The following TSC22D1 variants were observed in gnomAD, a reference collection of about 807,000 sequenced individuals.
TSC22D1 encodes TSC22 domain family member 1.
In TSC22D1, 9 loss-of-function variants were observed where a neutral mutation model predicts 74.2. That is an observed-to-expected ratio of 0.12 (90% CI 0.07 to 0.21). The LOEUF (loss-of-function observed/expected upper bound fraction) is 0.21. Among genes scored for constraint, TSC22D1 ranks in the 10% least tolerant of loss-of-function variants. The probability of loss-of-function intolerance (pLI) is 1.00; values close to 1 mark genes in which losing one functional copy is unlikely to be tolerated. For missense variants in TSC22D1, 1,427 were observed against 1,304.7 expected (o/e 1.09, Z -1.44); for synonymous variants, 586 against 492.5 (o/e 1.19, Z -2.51).
At chr13:44,454,537 C>A (rs568303551) in intron 1 of TSC22D1, among the ~76,000 whole-genome samples, 54 of 152,192 alleles carry the variant, frequency 3.5e-4, no homozygotes, top group Non-Finnish European at 5.9e-4. Context: ...AGCCTGAAAT[C>A]ATTCCCATTT....
chr13:44,548,912 T>C (rs1181080573), intron 1 of TSC22D1, among the ~76,000 whole-genome samples: 1 of 152,204 alleles, frequency 6.6e-6, no homozygotes, highest in Non-Finnish European at 1.5e-5. Context: ...TAATAAGTTT[T>C]ATTATCCTAA....
intron 1 of TSC22D1, among the ~76,000 whole-genome samples, chr13:44,534,361 T>TAAAA (rs61378692): frequency 9.3e-6 from 1 of 107,270 alleles, no homozygotes; most frequent in South Asian, 3.0e-4. Context: ...GACCCCGTCT[T>TAAAA]AAAAAAAAAA....
rs564858222 is a variant in TSC22D1 at position 44,499,200 on chromosome 13, T to G, written c.2913-63105A>C. On this transcript the variant is annotated intron_variant, in intron 1 of 2. Transcript: ENST00000458659. Reference sequence around the variant, plus strand: ...TTCTCAGGCTTGCCAAATCATTTGGTTGGCATTAGATAATATGCTGGAAAC... The same window carrying G: ...TTCTCAGGCTTGCCAAATCATTTGGGTGGCATTAGATAATATGCTGGAAAC... Among the ~76,000 whole-genome samples the G allele has an allele frequency of 2.5e-4, 38 of 152,346 alleles. No individual in the cohort carries two copies. The South Asian group carries it at 7.5e-3, about 30-fold the overall frequency.
chr13:44,434,277 G>C lies in TSC22D1; in HGVS notation c.*349C>G, dbSNP rs1371953744. The C allele has an allele frequency of 2.2e-6, 3 of 1,388,322 alleles. No individual in the cohort carries two copies. Among genetic ancestry groups the C allele is most frequent in the Admixed American group, 3.6e-5 (1 of 27,852 alleles). The allele number at this position is 1,388,322 out of a possible 1,614,324, so 86.0% of individuals were successfully genotyped here. A position where few individuals can be genotyped will look rare whatever the true frequency, so the allele number is the denominator to read the frequency against. ...CATGTAGGACACTAAGCGCAAGCAG[G>C]AGAGAGAACCCTTGGAAGTGAGGGG... On this transcript the variant is annotated 3_prime_UTR_variant, in exon 3 of 3. Transcript: ENST00000458659.
chr13:44,575,081 T>C lies in TSC22D1; in HGVS notation c.994A>G (p.Met332Val), dbSNP rs1566187917. ...GSFNPNVTSS[M>V]LGNVNISTSN... ...GTACTTATATTAACATTACCAAGCA[T>C]GCTGCTTGTCACATTAGGATTAAAA... The change falls in exon 1 of 3, where the codon ATG (methionine) becomes GTG (valine). Residue 332 changes from methionine (M) to valine (V), a missense_variant. Around this residue, in one of 3 missense-constraint regions of TSC22D1, gnomAD observed 1,343 missense variants for 1,191.5 expected, o/e 1.13. Coordinates refer to ENST00000458659, the MANE Select transcript of TSC22D1 (RefSeq NM_183422.4). The C allele has an allele frequency of 2.5e-6, 4 of 1,614,102 alleles. No individual in the cohort carries two copies. The highest frequency in any genetic ancestry group is 2.7e-5 in the African/African-American group (2 of 74,936).
rs560739455 is a variant in TSC22D1, at chr13:44,455,850, T to C, written c.2913-19755A>G. 2.6e-5 allele frequency among the ~76,000 whole-genome samples: 4 copies of C among 152,126 alleles called. No homozygotes were observed. In the South Asian group the frequency reaches 8.3e-4, roughly 32 times the overall value. ...GAACCCAGTTTTAAATGCATAAGGA[T>C]AGAGTAAATATAAAAGAGACGTCAA... On this transcript the variant is annotated intron_variant, in intron 1 of 2. Transcript: ENST00000458659.
In TSC22D1 at chr13:44,509,863, A is replaced by AAT. The variant is rs571448917; in HGVS notation, c.2912+63298_2912+63299dup. Among the ~76,000 whole-genome samples the AAT allele has an allele frequency of 8.4e-4, 128 of 151,858 alleles. 1 individual carries two copies. Among genetic ancestry groups the AAT allele is most frequent in the Non-Finnish European group, 1.6e-3 (106 of 67,952 alleles). On this transcript the variant is annotated intron_variant, in intron 1 of 2. Transcript: ENST00000458659. ...ACAGAAAAAAGAGACAGTTGAAAGA[A>AAT]ATATATTTTTAACATGTTTAGCTTC...
chr13:44,435,966 G>T, intron 2 of TSC22D1, 78 bp downstream of exon 2: 2 of 1,346,452 alleles, frequency 1.5e-6, no homozygotes, highest in Non-Finnish European at 2.1e-6. Flanking sequence ...TGAACTTAGG[G>T]ATGCACTGGT....
At chr13:44,514,795 G>T (rs970388118) in intron 1 of TSC22D1, among the ~76,000 whole-genome samples, 8 of 152,138 alleles carry the variant, frequency 5.3e-5, no homozygotes, top group Non-Finnish European at 1.2e-4. Flanking sequence ...AGGAGACGGA[G>T]GTTGCAGTGA....
At chr13:44,509,950 C>CAAAAAATAAAAAAAAAAAAAAAG (rs1879615352) in intron 1 of TSC22D1, among the ~76,000 whole-genome samples, 1 of 51,426 alleles carries the variant, frequency 1.9e-5, no homozygotes, top group East Asian at 5.7e-4. Flanking sequence ...AGAAAATAAG[C>CAAAAAATAAAAAAAAAAAAAAAG]AAAAAAAAAA....
intron 1 of TSC22D1, among the ~76,000 whole-genome samples, chr13:44,438,311 C>T (rs1479172517): frequency 3.3e-5 from 5 of 152,164 alleles, no homozygotes; most frequent in Non-Finnish European, 7.4e-5. Context: ...ATGTAATACA[C>T]GCACATGCAC....
chr13:44,532,981 C>G (rs1361512801), intron 1 of TSC22D1, among the ~76,000 whole-genome samples: 1 of 152,052 alleles, frequency 6.6e-6, no homozygotes, highest in Non-Finnish European at 1.5e-5. Context: ...AGTGGTACAT[C>G]TGGTAGTGAA....
At chr13:44,564,593 GAAGA>G (rs1883249421) in intron 1 of TSC22D1, among the ~76,000 whole-genome samples, 1 of 152,186 alleles carries the variant, frequency 6.6e-6, no homozygotes, top group African/African-American at 2.4e-5. Flanking sequence ...CAACTGGAAT[GAAGA>G]AAGTTGGGAG....
At chr13:44,483,829 T>A (rs1039967495) in intron 1 of TSC22D1, among the ~76,000 whole-genome samples, 1 of 152,204 alleles carries the variant, frequency 6.6e-6, no homozygotes. Flanking sequence ...GAATATGCCA[T>A]TGGGAAAAAT....
intron 1 of TSC22D1, among the ~76,000 whole-genome samples, chr13:44,464,977 C>A (rs1409550305): frequency 6.6e-6 from 1 of 152,200 alleles, no homozygotes; most frequent in South Asian, 2.1e-4. Flanking sequence ...TGCTGTTTTA[C>A]TAAACTGGTA....
intron 1 of TSC22D1, among the ~76,000 whole-genome samples, chr13:44,464,706 T>C (rs1167203867): frequency 6.6e-6 from 1 of 152,234 alleles, no homozygotes; most frequent in Non-Finnish European, 1.5e-5. Context: ...CTCTGCTGTA[T>C]AGCAGCAGGA....
At chr13:44,444,024 C>T (rs560405710) in intron 1 of TSC22D1, among the ~76,000 whole-genome samples, 49 of 152,160 alleles carry the variant, frequency 3.2e-4, no homozygotes, top group Non-Finnish European at 5.6e-4. Context: ...TGGTGGCTCA[C>T]GCCTGTAATC....
upstream of TSC22D1, chr13:44,577,291 C>G (rs536982825): frequency 6.6e-6 from 1 of 152,382 alleles, no homozygotes; most frequent in African/African-American, 2.4e-5. Context: ...TTCGGCTCCC[C>G]CGGCTCCACC....
chr13:44,550,320 T>C (rs977738478), intron 1 of TSC22D1, among the ~76,000 whole-genome samples: 2 of 152,088 alleles, frequency 1.3e-5, no homozygotes, highest in East Asian at 1.9e-4. Flanking sequence ...CGGTGGCTCA[T>C]GTCTGTAATC....
Sources: gnomAD v4.1 joint callset for allele counts (sites outside exome capture counted in the v4.1 genomes callset) on GRCh38, gnomAD v4.1.1 for gene constraint, gnomAD v4.1.1 regional missense constraint, MANE v1.5 for transcripts, NCBI Gene and HGNC (gene_info 2026-07-23, HGNC 2026-07-21) for gene names.